KCNMA1: variants seen among roughly 807,000 people sequenced by gnomAD.
KCNMA1 encodes potassium calcium-activated channel subfamily M alpha 1, also known as Calcium-activated potassium channel subunit alpha-1.
Under a neutral mutation model 140.0 loss-of-function variants are expected in KCNMA1, and 29 were observed. That is an observed-to-expected ratio of 0.21 (90% CI 0.15 to 0.28). The LOEUF (loss-of-function observed/expected upper bound fraction) is 0.28. Ranked by LOEUF, KCNMA1 falls within the 10% of genes least tolerant of loss-of-function variation. KCNMA1 has a pLI of 1.00. For synonymous variants in KCNMA1, 612 were observed against 611.9 expected, an observed-to-expected ratio of 1.00 and a Z score of 0.00; for missense variants, 880 against 1,602.2, an observed-to-expected ratio of 0.55 and a Z score of 7.70.
At position 77,560,855 on chromosome 10, in the gene KCNMA1, T is replaced by C. The variant is rs140375008; in HGVS notation, c.378+76410A>G. ...CAAGCAAACTGTGTGGCTGGGACTT[T>C]ATAATAAACTTGGAGCCTTCTTCAA... is the stretch of plus-strand genomic sequence containing the variant. On this transcript the variant is annotated intron_variant, in intron 1 of 27. Coordinates refer to ENST00000286628, the MANE Select transcript of KCNMA1 (RefSeq NM_001161352.2). Among the ~76,000 whole-genome samples, 362 of 152,322 alleles carry C rather than the reference T, an allele frequency of 2.4e-3. 8 individuals carry two copies. The South Asian group carries it at 0.025, about 11-fold the overall frequency.
At chr10:77,188,777 A>G (rs1021846091) in intron 3 of KCNMA1, among the ~76,000 whole-genome samples, 10 of 152,286 alleles carry the variant, frequency 6.6e-5, no homozygotes, top group African/African-American at 2.4e-4. Context: ...CTTCCCAAAG[A>G]CTGACTTAAG....
chr10:77,346,641 G>A (rs2092197756), intron 2 of KCNMA1, among the ~76,000 whole-genome samples: 2 of 152,112 alleles, frequency 1.3e-5, no homozygotes, highest in African/African-American at 2.4e-5. Context: ...GTCTCTTCTG[G>A]TCACCTTGAC....
chr10:77,084,209 C>T (rs1057369064), intron 12 of KCNMA1, among the ~76,000 whole-genome samples: 7 of 152,126 alleles, frequency 4.6e-5, no homozygotes, highest in Non-Finnish European at 7.4e-5. Context: ...GCCAGCAGCA[C>T]GGTCCCCTAG....
rs531010580 is a variant in KCNMA1 at position 77,473,777 on chromosome 10, G to C, written c.379-69754C>G. On this transcript the variant is annotated intron_variant, in intron 1 of 27. Transcript: ENST00000286628. Reference sequence around the variant, plus strand: ...GACCTCCTGGTCACCTGCCTGCAGGGCTCTCTTCTGGGCCTAAAAATAAGA... The same window carrying C: ...GACCTCCTGGTCACCTGCCTGCAGGCCTCTCTTCTGGGCCTAAAAATAAGA... 5.3e-5 allele frequency among the ~76,000 whole-genome samples: 8 copies of C among 152,314 alleles called. No homozygotes were observed. The South Asian group carries it at 1.7e-3, about 32-fold the overall frequency.
At chr10:76,869,758 G>C (rs1345428673) in exon 28 of KCNMA1, 1 of 152,610 alleles carries the variant, frequency 6.6e-6, no homozygotes, top group Non-Finnish European at 1.5e-5. Flanking sequence ...CCAGCATATA[G>C]TCTCTTCTTC....
At chr10:77,019,721 G>C (rs897513087) in intron 16 of KCNMA1, 1 of 151,478 alleles carries the variant, frequency 6.6e-6, no homozygotes, top group Non-Finnish European at 1.5e-5. Context: ...TTTTTTTTAA[G>C]TCAGCAGTTG....
intron 5 of KCNMA1, among the ~76,000 whole-genome samples, chr10:77,158,270 C>T (rs1247839814): frequency 1.3e-5 from 2 of 152,122 alleles, no homozygotes; most frequent in Non-Finnish European, 2.9e-5. Context: ...TAGTCATTGG[C>T]TCAAGATTAA....
chr10:77,122,224 G>T (rs1217399438), intron 5 of KCNMA1, among the ~76,000 whole-genome samples: 1 of 152,122 alleles, frequency 6.6e-6, no homozygotes, highest in Non-Finnish European at 1.5e-5. Flanking sequence ...TTAACTTAAA[G>T]TTCATGGGGT....
intron 7 of KCNMA1, among the ~76,000 whole-genome samples, chr10:77,110,795 G>A (rs776775769): frequency 5.9e-5 from 9 of 152,174 alleles, no homozygotes; most frequent in African/African-American, 1.9e-4. Context: ...AAACACTTCC[G>A]TAGGGGGCTG....
chr10:77,220,634 G>A (rs143778285), intron 3 of KCNMA1, among the ~76,000 whole-genome samples: 24 of 152,284 alleles, frequency 1.6e-4, no homozygotes, highest in Non-Finnish European at 3.2e-4. Context: ...CAAAAGGGGA[G>A]GAGATTGTTT....
At chr10:77,364,949 A>G (rs2154404149) in intron 2 of KCNMA1, among the ~76,000 whole-genome samples, 1 of 152,368 alleles carries the variant, frequency 6.6e-6, no homozygotes, top group South Asian at 2.1e-4. Flanking sequence ...CTGCTTACAA[A>G]GCTAGTCCTT....
intron 23 of KCNMA1, among the ~76,000 whole-genome samples, chr10:76,942,571 T>G (rs566361704): frequency 9.9e-5 from 15 of 152,222 alleles, no homozygotes; most frequent in Non-Finnish European, 1.8e-4. Context: ...AGAAGGCTTT[T>G]GGGCACCGGG....
intron 12 of KCNMA1, 117 bp downstream of exon 12, chr10:77,084,520 A>T (rs1265157824): frequency 6.2e-6 from 5 of 811,314 alleles, no homozygotes; most frequent in African/African-American, 1.7e-5. Flanking sequence ...TGAGTTGTAC[A>T]GTGGCTTGTG....
At chr10:77,127,003 C>T (rs1176022315) in intron 5 of KCNMA1, among the ~76,000 whole-genome samples, 3 of 150,826 alleles carry the variant, frequency 2.0e-5, no homozygotes, top group East Asian at 2.0e-4. Context: ...ATTACAATAG[C>T]GTAGGAGTGT....
At chr10:76,892,850 T>G (rs1436745923) in intron 25 of KCNMA1, among the ~76,000 whole-genome samples, 1 of 152,216 alleles carries the variant, frequency 6.6e-6, no homozygotes, top group Non-Finnish European at 1.5e-5. Context: ...GACTTCTGAA[T>G]TAAGATGATA....
chr10:77,439,144 AGAGAAAAGAG>A (rs1349593513), intron 1 of KCNMA1, among the ~76,000 whole-genome samples: 5 of 127,010 alleles, frequency 3.9e-5, no homozygotes, highest in South Asian at 2.7e-4. Context: ...AGAGAAGAGA[AGAGAAAAGAG>A]AAGAGAAGAA....
intron 1 of KCNMA1, among the ~76,000 whole-genome samples, chr10:77,608,601 G>A (rs905114986): frequency 6.6e-6 from 1 of 152,138 alleles, no homozygotes; most frequent in Non-Finnish European, 1.5e-5. Flanking sequence ...GCATATACGT[G>A]TGTAAGAGGG....
At chr10:77,235,035 G>A (rs967409699) in intron 3 of KCNMA1, among the ~76,000 whole-genome samples, 6 of 152,162 alleles carry the variant, frequency 3.9e-5, no homozygotes, top group Non-Finnish European at 5.9e-5. Context: ...GCAGAACTGG[G>A]TGCTATCAGG....
intron 2 of KCNMA1, among the ~76,000 whole-genome samples, chr10:77,401,172 G>A (rs960858457): frequency 1.1e-4 from 17 of 148,974 alleles, no homozygotes; most frequent in African/African-American, 2.7e-4. Context: ...TTTTTGAGAC[G>A]GAGTCTTGCT....
Sources: gnomAD v4.1 joint callset for allele counts (sites outside exome capture counted in the v4.1 genomes callset) on GRCh38, gnomAD v4.1.1 for gene constraint, MANE v1.5 for transcripts, NCBI Gene and HGNC (gene_info 2026-07-23, HGNC 2026-07-21) for gene names.